Variants in COL19A1 observed in about 807,000 individuals in gnomAD.
The protein encoded by COL19A1 is collagen type XIX alpha 1 chain.
A neutral mutation model predicts 190.2 loss-of-function variants in COL19A1; 159 were observed. The observed-to-expected ratio is 0.84, with a 90% CI of 0.73 to 0.95. The LOEUF (loss-of-function observed/expected upper bound fraction) is 0.95. Among genes scored for constraint, COL19A1 ranks in the 40% least tolerant of loss-of-function variants. The pLI is 0.00. For synonymous variants in COL19A1, 509 were observed against 458.9 expected, an observed-to-expected ratio of 1.11 and a Z score of -1.39; for missense variants, 1,418 against 1,431.9, an observed-to-expected ratio of 0.99 and a Z score of 0.16.
intron 9 of COL19A1, among the ~76,000 whole-genome samples, chr6:69,947,469 C>T (rs1251479948): frequency 6.6e-6 from 1 of 151,726 alleles, no homozygotes; most frequent in African/African-American, 2.4e-5. Context: ...CTGCAATCAC[C>T]TTGTCGTATT....
chr6:69,964,713 A>T (rs756294088), intron 11 of COL19A1, among the ~76,000 whole-genome samples: 4 of 152,202 alleles, frequency 2.6e-5, no homozygotes, highest in Admixed American at 6.5e-5. Context: ...TTGTAGAATG[A>T]TTTAAATATA....
chr6:69,895,388 A>G (rs1769654166), intron 2 of COL19A1, among the ~76,000 whole-genome samples: 1 of 152,168 alleles, frequency 6.6e-6, no homozygotes, highest in African/African-American at 2.4e-5. Context: ...CACATTGAAC[A>G]CCAAAAATGT....
intron 11 of COL19A1, among the ~76,000 whole-genome samples, chr6:70,005,247 T>G (rs1221767946): frequency 2.0e-5 from 3 of 152,210 alleles, no homozygotes; most frequent in Admixed American, 1.3e-4. Context: ...TTTTGAGTTT[T>G]CAACATTTTT....
chr6:70,081,871 A>T (rs1782280130), intron 15 of COL19A1, among the ~76,000 whole-genome samples: 1 of 152,160 alleles, frequency 6.6e-6, no homozygotes, highest in South Asian at 2.1e-4. Context: ...GTCTGTTATC[A>T]TCAGTATTTT....
chr6:69,943,575 A>G (rs914268892), intron 9 of COL19A1, among the ~76,000 whole-genome samples: 2 of 152,094 alleles, frequency 1.3e-5, no homozygotes, highest in African/African-American at 4.8e-5. Flanking sequence ...TTTTGGGTTG[A>G]TTTTTGCATA....
Position 70,211,991 on chromosome 6 carries a change from G to A in COL19A1, c.*4717G>A, listed in dbSNP as rs1378858660. 2.0e-5 allele frequency among the ~76,000 whole-genome samples: 3 copies of A among 152,092 alleles called. No homozygotes were observed. The highest frequency in any genetic ancestry group is 4.8e-5 in the African/African-American group (2 of 41,412). ...AGTTAGCTACTTGCTTCATGAATTT[G>A]TCAAAAGTGAATACTAATAAAGTGG... On this transcript the variant is annotated 3_prime_UTR_variant, in exon 51 of 51. Coordinates refer to ENST00000620364, the MANE Select transcript of COL19A1 (RefSeq NM_001858.6).
chr6:70,056,891 A>G (rs1299017426), intron 14 of COL19A1, among the ~76,000 whole-genome samples: 1 of 152,100 alleles, frequency 6.6e-6, no homozygotes, highest in African/African-American at 2.4e-5. Context: ...CACAGTTATC[A>G]GCATTAAATA....
chr6:70,108,218 G>A (rs531927471), intron 16 of COL19A1, among the ~76,000 whole-genome samples: 17 of 152,180 alleles, frequency 1.1e-4, no homozygotes, highest in East Asian at 9.6e-4. Flanking sequence ...TGGAAAAAGC[G>A]TTTATTAAAA....
At chr6:69,916,217 G>T (rs1001142067) in intron 4 of COL19A1, among the ~76,000 whole-genome samples, 4 of 152,120 alleles carry the variant, frequency 2.6e-5, no homozygotes, top group Non-Finnish European at 5.9e-5. Context: ...ATTACAGGCG[G>T]GAGCCACCGC....
intron 15 of COL19A1, among the ~76,000 whole-genome samples, chr6:70,072,099 T>C (rs1363086918): frequency 6.6e-6 from 1 of 152,100 alleles, no homozygotes; most frequent in Non-Finnish European, 1.5e-5. Flanking sequence ...GAAGTATCTT[T>C]GTGAAAAGTG....
At chr6:70,141,534 A>G (rs1253536195) in intron 20 of COL19A1, among the ~76,000 whole-genome samples, 1 of 151,820 alleles carries the variant, frequency 6.6e-6, no homozygotes, top group Non-Finnish European at 1.5e-5. Flanking sequence ...CTTAAATTCT[A>G]CTCTCCCTCA....
At position 70,064,411 on chromosome 6, in the gene COL19A1, CCCTTCATG is replaced by C. The variant is rs1781046181; in HGVS notation, c.1171-4010_1171-4003del. Among the ~76,000 whole-genome samples, 4 of 152,112 alleles carry C rather than the reference CCCTTCATG, an allele frequency of 2.6e-5. No homozygotes were observed. In the South Asian group the frequency reaches 8.3e-4, roughly 32 times the overall value. ...AAAGGCCTTTGACAAAATTCAACAG[CCCTTCATG>C]CTAAAAACTCTCAATAAATTAGGTA... On this transcript the variant is annotated intron_variant, in intron 14 of 50. Coordinates refer to ENST00000620364, the MANE Select transcript of COL19A1 (RefSeq NM_001858.6).
chr6:70,110,984 T>C (rs1360911709), intron 16 of COL19A1, among the ~76,000 whole-genome samples: 1 of 152,188 alleles, frequency 6.6e-6, no homozygotes, highest in African/African-American at 2.4e-5. Flanking sequence ...TTCAACATCA[T>C]TTCTTTGTGT....
At chr6:70,027,125 A>G (rs758798748) in intron 12 of COL19A1, among the ~76,000 whole-genome samples, 1 of 152,226 alleles carries the variant, frequency 6.6e-6, no homozygotes, top group South Asian at 2.1e-4. Flanking sequence ...CTTAGAATGT[A>G]TGGTAAATAA....
chr6:69,991,330 T>G (rs560861743), intron 11 of COL19A1, among the ~76,000 whole-genome samples: 5 of 152,270 alleles, frequency 3.3e-5, no homozygotes, highest in South Asian at 2.1e-4. Flanking sequence ...TCTTTGCTAT[T>G]GTGAATACTG....
intron 16 of COL19A1, among the ~76,000 whole-genome samples, chr6:70,106,860 A>G (rs542450891): frequency 6.6e-6 from 1 of 152,344 alleles, no homozygotes; most frequent in South Asian, 2.1e-4. Flanking sequence ...ATTACGACTG[A>G]GAACAGTTTT....
At chr6:70,192,188 G>C (rs1766915569) in intron 48 of COL19A1, among the ~76,000 whole-genome samples, 1 of 152,128 alleles carries the variant, frequency 6.6e-6, no homozygotes, top group Non-Finnish European at 1.5e-5. Flanking sequence ...AGCCTCCAGA[G>C]TAGCTGGGAT....
chr6:69,978,862 T>C (rs1307828099), intron 11 of COL19A1, among the ~76,000 whole-genome samples: 2 of 147,844 alleles, frequency 1.4e-5, no homozygotes, highest in East Asian at 4.0e-4. Context: ...AAACAGAAAA[T>C]AGAAAAAAGA....
At chr6:70,186,973 G>C (rs959777154) in intron 46 of COL19A1, among the ~76,000 whole-genome samples, 2 of 152,182 alleles carry the variant, frequency 1.3e-5, no homozygotes, top group Admixed American at 6.5e-5. Flanking sequence ...CGCCTCCCGG[G>C]TTCAAGCGAT....
Sources: allele counts gnomAD v4.1 joint callset (sites outside exome capture counted in the v4.1 genomes callset), GRCh38; gene constraint gnomAD v4.1.1; transcripts MANE v1.5; gene names NCBI Gene and HGNC (gene_info 2026-07-23, HGNC 2026-07-21).